Variants in MTPN observed in about 807,000 individuals in gnomAD.
The protein encoded by MTPN is myotrophin, also known as granule cell differentiation protein.
MTPN carries 2 observed loss-of-function variants against 13.5 expected under a neutral mutation model. The ratio of observed to expected loss-of-function variants is 0.15; its 90% CI spans 0.06 to 0.47. The LOEUF is 0.47. MTPN is among the 20% of genes least tolerant of loss of function. The pLI, the probability that MTPN is intolerant of heterozygous loss-of-function variation, is 0.97. For synonymous variants in MTPN, 46 were observed against 51.7 expected (o/e 0.89, Z 0.48); for missense variants, 79 against 137.9 (o/e 0.57, Z 2.14).
At chr7:135,953,257 G>C (rs993487899) in intron 1 of MTPN, among the ~76,000 whole-genome samples, 2 of 152,066 alleles carry the variant, frequency 1.3e-5, no homozygotes, top group African/African-American at 2.4e-5. Flanking sequence ...TCTCTTTCTC[G>C]TAAAACTCAC....
At chr7:135,957,100 T>C (rs1246782614) in intron 1 of MTPN, among the ~76,000 whole-genome samples, 1 of 152,216 alleles carries the variant, frequency 6.6e-6, no homozygotes, top group Non-Finnish European at 1.5e-5. Flanking sequence ...ACCTAGATTG[T>C]ATTATATTAA....
rs774707402 is a variant in MTPN at position 135,951,513 on chromosome 7, G to A, written c.186+4C>T. The A allele has an allele frequency of 1.0e-5, 16 of 1,601,766 alleles. No homozygotes were observed. The highest frequency in any genetic ancestry group is 1.7e-4 in the Middle Eastern group (1 of 6,030). ...TTTCAAGAATGATCACGTCCTCTAC[G>A]TACATTAATATCTGCTCCTTTCAGC... On this transcript the variant is annotated splice_donor_region_variant and intron_variant, in intron 2 of 3. Coordinates refer to ENST00000393085, the MANE Select transcript of MTPN (RefSeq NM_145808.4).
At position 135,947,476 on chromosome 7, in the gene MTPN, C is replaced by T. The variant is rs368291811; in HGVS notation, c.270+3123G>A. 8.5e-5 allele frequency among the ~76,000 whole-genome samples: 13 copies of T among 152,116 alleles called. No individual in the cohort carries two copies. The South Asian group carries it at 2.3e-3, about 27-fold the overall frequency. ...AAAACATCTTTTCTGTCACTGGGGG[C>T]AAAAAGAGAACACCACAGAATGTGC... On this transcript the variant is annotated intron_variant, in intron 3 of 3. Coordinates refer to ENST00000393085, the MANE Select transcript of MTPN (RefSeq NM_145808.4).
At chr7:135,954,133 C>T (rs1799405082) in intron 1 of MTPN, among the ~76,000 whole-genome samples, 1 of 152,174 alleles carries the variant, frequency 6.6e-6, no homozygotes, top group Non-Finnish European at 1.5e-5. Flanking sequence ...GAAATGTCTA[C>T]ACTTCACAGG....
intron 1 of MTPN, among the ~76,000 whole-genome samples, chr7:135,952,821 C>T (rs1043612594): frequency 3.9e-5 from 6 of 152,100 alleles, no homozygotes; most frequent in South Asian, 4.2e-4. Flanking sequence ...ATTAGCCAGG[C>T]GTGATGGCAT....
chr7:135,946,069 C>T (rs2116366506), intron 3 of MTPN, among the ~76,000 whole-genome samples: 1 of 152,192 alleles, frequency 6.6e-6, no homozygotes, highest in East Asian at 1.9e-4. Context: ...TAGTAATGTA[C>T]TCACCATGAC....
intron 1 of MTPN, among the ~76,000 whole-genome samples, chr7:135,956,736 A>G (rs1425110553): frequency 1.3e-5 from 2 of 151,654 alleles, no homozygotes; most frequent in Non-Finnish European, 2.9e-5. Flanking sequence ...TCTTTTCTTG[A>G]CTGTGTTTTC....
At chr7:135,942,136 G>A (rs548549059) in intron 3 of MTPN, among the ~76,000 whole-genome samples, 5 of 152,094 alleles carry the variant, frequency 3.3e-5, no homozygotes, top group South Asian at 2.1e-4. Flanking sequence ...TGATCCGCCC[G>A]CCTCGGCCTC....
chr7:135,928,301 CACACCCACACACACCTAT>C lies in MTPN; in HGVS notation c.*1607_*1624del, dbSNP rs985329096. ...GGACTCATGGGGAAAAATACACACA[CACACCCACACACACCTAT>C]ACACCCACACACCCACATGCCAACC... On this transcript the variant is annotated 3_prime_UTR_variant, in exon 4 of 4. Coordinates refer to ENST00000393085, the MANE Select transcript of MTPN (RefSeq NM_145808.4). 9 of 165,854 alleles carry C rather than the reference CACACCCACACACACCTAT, an allele frequency of 5.4e-5. No individual in the cohort carries two copies. Among genetic ancestry groups the C allele is most frequent in the South Asian group, 2.1e-4 (1 of 4,834 alleles). The allele number at this position is 165,854 out of a possible 1,614,324, so 10.3% of individuals were successfully genotyped here.
chr7:135,961,474 G>A (rs1285238586), intron 1 of MTPN, among the ~76,000 whole-genome samples: 2 of 151,792 alleles, frequency 1.3e-5, no homozygotes, highest in African/African-American at 4.8e-5. Flanking sequence ...GGACTACAGA[G>A]AGAAACTATC....
chr7:135,962,668 A>C (rs1011394060), intron 1 of MTPN, among the ~76,000 whole-genome samples: 5 of 152,030 alleles, frequency 3.3e-5, no homozygotes, highest in African/African-American at 9.7e-5. Context: ...GTATGTTTTT[A>C]GAAGTTTCAG....
At chr7:135,958,357 T>G (rs895881574) in intron 1 of MTPN, among the ~76,000 whole-genome samples, 2 of 152,196 alleles carry the variant, frequency 1.3e-5, no homozygotes, top group Admixed American at 6.5e-5. Flanking sequence ...AACAGCTTTG[T>G]CACAGTGCAA....
chr7:135,951,100 A>C (rs1261923823), intron 2 of MTPN, among the ~76,000 whole-genome samples: 1 of 152,148 alleles, frequency 6.6e-6, no homozygotes, highest in East Asian at 1.9e-4. Context: ...GAAGCTACAA[A>C]AGGCTAAAGT....
intron 2 of MTPN, among the ~76,000 whole-genome samples, chr7:135,950,953 C>T (rs1799356506): frequency 6.6e-6 from 1 of 152,118 alleles, no homozygotes; most frequent in Non-Finnish European, 1.5e-5. Flanking sequence ...TACTATGGTA[C>T]TATTATTTAG....
chr7:135,952,124 T>C (rs1033129774), intron 1 of MTPN, among the ~76,000 whole-genome samples: 5 of 152,194 alleles, frequency 3.3e-5, no homozygotes, highest in Non-Finnish European at 7.3e-5. Flanking sequence ...TAGCAGGCAC[T>C]GTGCTAGACA....
Position 135,952,318 on chromosome 7 carries a change from T to A in MTPN, c.73-688A>T, listed in dbSNP as rs528033198. ...TGACAATCCTGGTGATGAATGGAGG[T>A]ATAGTGCCAGAAAAATGAACTTAAG... On this transcript the variant is annotated intron_variant, in intron 1 of 3. Coordinates refer to ENST00000393085, the MANE Select transcript of MTPN (RefSeq NM_145808.4). 1.3e-3 allele frequency among the ~76,000 whole-genome samples: 193 copies of A among 152,222 alleles called. No homozygotes were observed. In the Middle Eastern group the frequency reaches 0.017, roughly 13 times the overall value.
chr7:135,934,357 A>G (rs1799080477), intron 3 of MTPN, among the ~76,000 whole-genome samples: 1 of 152,210 alleles, frequency 6.6e-6, no homozygotes, highest in East Asian at 1.9e-4. Flanking sequence ...CTCCTCACCC[A>G]TATGTCTGGA....
intron 1 of MTPN, among the ~76,000 whole-genome samples, chr7:135,970,579 T>A (rs886239620): frequency 6.6e-6 from 1 of 152,168 alleles, no homozygotes; most frequent in African/African-American, 2.4e-5. Flanking sequence ...TTTGCTTTTT[T>A]AAATAACAAG....
intron 3 of MTPN, among the ~76,000 whole-genome samples, chr7:135,934,395 C>T (rs1011558741): frequency 2.0e-5 from 3 of 152,134 alleles, no homozygotes; most frequent in African/African-American, 7.2e-5. Flanking sequence ...CTGCTTCTAG[C>T]CTTCTAGATA....
Sources: gnomAD v4.1 joint callset for allele counts (sites outside exome capture counted in the v4.1 genomes callset) on GRCh38, gnomAD v4.1.1 for gene constraint, MANE v1.5 for transcripts, NCBI Gene and HGNC (gene_info 2026-07-23, HGNC 2026-07-21) for gene names.